Variants in PRKCH observed in about 807,000 individuals in gnomAD.
PRKCH encodes protein kinase C eta type.
Under a neutral mutation model 82.5 loss-of-function variants are expected in PRKCH, and 28 were observed. The observed-to-expected ratio is 0.34, with a 90% CI of 0.25 to 0.47. PRKCH has a LOEUF of 0.47. Ranked by LOEUF, PRKCH falls within the 20% of genes least tolerant of loss-of-function variation. The probability of loss-of-function intolerance (pLI) is 1.00; values close to 1 mark genes in which losing one functional copy is unlikely to be tolerated. For synonymous variants in PRKCH, 322 were observed against 327.4 expected, an observed-to-expected ratio of 0.98 and a Z score of 0.18; for missense variants, 705 against 881.8, an observed-to-expected ratio of 0.80 and a Z score of 2.54.
chr14:61,460,808 G>T, intron 9 of PRKCH, among the ~76,000 whole-genome samples: 1 of 152,152 alleles, frequency 6.6e-6, no homozygotes, highest in East Asian at 1.9e-4. Flanking sequence ...CTCAGAGTTA[G>T]AAAAATGGTA....
At position 61,280,673 on chromosome 14, in the gene PRKCH, T is replaced by C. The variant is rs1280238567; in HGVS notation, c.-19+93005T>C. 3 of 1,573,544 alleles carry C rather than the reference T, an allele frequency of 1.9e-6. No individual in the cohort carries two copies. Among genetic ancestry groups the C allele is most frequent in the Non-Finnish European group, 2.6e-6 (3 of 1,161,480 alleles). ...TTGGCGATGGCGCCGCAGGGCGCGA[T>C]GGGCAGGCCGGCCGCGCTGCGCTGG... On this transcript the variant is annotated intron_variant, in intron 1 of 3. Transcript: ENST00000555185. The surrounding 1 kb of genome is among the most constrained non-coding windows in gnomAD (Gnocchi z 5.0).
At chr14:61,431,778 T>G (rs1163543304) in intron 2 of PRKCH, among the ~76,000 whole-genome samples, 1 of 152,256 alleles carries the variant, frequency 6.6e-6, no homozygotes, top group Non-Finnish European at 1.5e-5. Flanking sequence ...CCTTTTATTA[T>G]ACAATCACTT....
At chr14:61,390,792 A>G (rs1228426817) in intron 1 of PRKCH, 4 of 156,816 alleles carry the variant, frequency 2.6e-5, no homozygotes, top group African/African-American at 9.6e-5. Context: ...TTTACTCCAT[A>G]AAACTAAAGA....
At chr14:61,372,930 A>G (rs1018216458) in intron 1 of PRKCH, among the ~76,000 whole-genome samples, 3 of 152,020 alleles carry the variant, frequency 2.0e-5, no homozygotes, top group Admixed American at 2.0e-4. Context: ...ATAGGCCTCA[A>G]CTCATCATTT....
chr14:61,287,408 G>T (rs1464380796), intron 1 of PRKCH, among the ~76,000 whole-genome samples: 2 of 151,494 alleles, frequency 1.3e-5, no homozygotes, highest in Admixed American at 6.6e-5. Flanking sequence ...AAGAGAGGGG[G>T]TTGACTCAGA....
At chr14:61,463,442 T>A (rs1885115869) in intron 9 of PRKCH, 1 of 152,196 alleles carries the variant, frequency 6.6e-6, no homozygotes, top group African/African-American at 2.4e-5. Flanking sequence ...TTATCAAGAT[T>A]GCTACAAAGG....
At chr14:61,461,415 C>T (rs960896557) in intron 9 of PRKCH, among the ~76,000 whole-genome samples, 18 of 152,216 alleles carry the variant, frequency 1.2e-4, no homozygotes, top group African/African-American at 4.3e-4. Flanking sequence ...AAGCGCCAGC[C>T]TCCTGAACAC....
intron 9 of PRKCH, among the ~76,000 whole-genome samples, chr14:61,483,195 A>T (rs1396120460): frequency 6.6e-6 from 1 of 152,264 alleles, no homozygotes; most frequent in African/African-American, 2.4e-5. Context: ...TACTATGCAG[A>T]TGCAGCTTTT....
intron 1 of PRKCH, among the ~76,000 whole-genome samples, chr14:61,258,181 T>G (rs1472920258): frequency 6.6e-6 from 1 of 152,148 alleles, no homozygotes; most frequent in African/African-American, 2.4e-5. Flanking sequence ...GAAACCATGT[T>G]TATGGTCAAA....
chr14:61,430,134 G>A (rs1427597770), intron 2 of PRKCH, among the ~76,000 whole-genome samples: 1 of 152,062 alleles, frequency 6.6e-6, no homozygotes, highest in Non-Finnish European at 1.5e-5. Flanking sequence ...AAGACAAACA[G>A]CCCAATTTTA....
chr14:61,253,558 C>G (rs1291871205), intron 1 of PRKCH, among the ~76,000 whole-genome samples: 3 of 152,176 alleles, frequency 2.0e-5, no homozygotes. Context: ...AGAGGAAGTT[C>G]CCTTGCACAC....
At chr14:61,497,803 G>C (rs1346568580) in intron 10 of PRKCH, among the ~76,000 whole-genome samples, 1 of 152,076 alleles carries the variant, frequency 6.6e-6, no homozygotes, top group Non-Finnish European at 1.5e-5. Context: ...TGTAATGGCA[G>C]TTATGATCAG....
At chr14:61,207,593 T>C (rs1222817823) in intron 1 of PRKCH, among the ~76,000 whole-genome samples, 2 of 152,228 alleles carry the variant, frequency 1.3e-5, no homozygotes, top group African/African-American at 2.4e-5. Flanking sequence ...CATAAACCTC[T>C]CTTTTAACAT....
intron 1 of PRKCH, among the ~76,000 whole-genome samples, chr14:61,241,897 A>T (rs1275541679): frequency 6.6e-6 from 1 of 152,188 alleles, no homozygotes; most frequent in Non-Finnish European, 1.5e-5. Context: ...AAACCGTGTT[A>T]GGCACTTGGT....
In PRKCH at chr14:61,530,504, A is replaced by C; in HGVS notation, c.1670A>C (p.Glu557Ala). 1 of 1,612,854 alleles carries C rather than the reference A, an allele frequency of 6.2e-7. No individual in the cohort carries two copies. Among genetic ancestry groups the C allele is most frequent in the Admixed American group, 1.7e-5 (1 of 59,798 alleles). Residue 557 changes from glutamate to alanine, a missense_variant, in exon 12 of 14, where the codon GAG becomes GCG. Glu to Ala is a moderately radical substitution (Grantham distance 107). Transcript: ENST00000332981. Reference sequence around the variant, plus strand: ...TGTGGTCACGCGCCTTTTGAGGCAGAGAACGAAGATGACCTCTTTGAGGCC... The same window carrying C: ...TGTGGTCACGCGCCTTTTGAGGCAGCGAACGAAGATGACCTCTTTGAGGCC... ...MLCGHAPFEAENEDDLFEAIL... is the reference protein window; with the variant it reads ...MLCGHAPFEAANEDDLFEAIL...
At chr14:61,513,764 C>A (rs1243080529) in intron 10 of PRKCH, among the ~76,000 whole-genome samples, 3 of 152,032 alleles carry the variant, frequency 2.0e-5, no homozygotes, top group Non-Finnish European at 4.4e-5. Context: ...AAACTCTGTG[C>A]CTCTACTTTT....
chr14:61,273,422 G>A (rs2045175179), intron 1 of PRKCH, among the ~76,000 whole-genome samples: 1 of 152,130 alleles, frequency 6.6e-6, no homozygotes, highest in Non-Finnish European at 1.5e-5. Context: ...TAATTACCAG[G>A]CAGGGGAAAG....
intron 10 of PRKCH, among the ~76,000 whole-genome samples, chr14:61,500,640 G>T (rs1047726776): frequency 5.3e-5 from 8 of 152,118 alleles, no homozygotes; most frequent in African/African-American, 1.9e-4. Context: ...ATCCATTTGA[G>T]AGTATAGCTT....
intron 2 of PRKCH, among the ~76,000 whole-genome samples, chr14:61,427,651 A>T (rs1883177819): frequency 6.6e-6 from 1 of 152,156 alleles, no homozygotes. Flanking sequence ...CAGTGGCGTG[A>T]CAATGGCTCA....
Sources: allele counts gnomAD v4.1 joint callset (sites outside exome capture counted in the v4.1 genomes callset), GRCh38; gene constraint gnomAD v4.1.1; non-coding constraint Gnocchi (gnomAD v3.1); transcripts MANE v1.5; gene names NCBI Gene and HGNC (gene_info 2026-07-23, HGNC 2026-07-21).